DRC9: variants seen among roughly 807,000 people sequenced by gnomAD.
The protein encoded by DRC9 is dynein regulatory complex subunit 9, also known as dynein regulatory complex protein 9.
the DRC9 span, chr3:197,953,662 T>A: frequency 2.3e-6 from 1 of 438,578 alleles, no homozygotes; most frequent in African/African-American, 2.0e-5. Context: ...AAATGGCAGG[T>A]AATTCCTCCT....
At chr3:197,921,091 G>A in the DRC9 span, among the ~76,000 whole-genome samples, 23 of 142,570 alleles carry the variant, frequency 1.6e-4, no homozygotes, top group East Asian at 3.9e-3. Flanking sequence ...CAGTAACTCC[G>A]GGGATTTCAC....
At chr3:197,927,440 G>T in the DRC9 span, among the ~76,000 whole-genome samples, 7 of 152,122 alleles carry the variant, frequency 4.6e-5, 1 homozygote, top group Non-Finnish European at 7.4e-5. Flanking sequence ...TGGCCAGGCT[G>T]GTCTCGAATT....
chr3:197,947,928 CTTT>C, the DRC9 span, among the ~76,000 whole-genome samples: 11 of 96,788 alleles, frequency 1.1e-4, no homozygotes, highest in South Asian at 3.7e-4. Context: ...CCTGCTTTAC[CTTT>C]TTTTTTTTTT....
At chr3:197,944,650 G>C in the DRC9 span, among the ~76,000 whole-genome samples, 1 of 151,984 alleles carries the variant, frequency 6.6e-6, no homozygotes, top group South Asian at 2.1e-4. Flanking sequence ...TGGTTTCACC[G>C]TGTTAGCCAG....
the DRC9 span, among the ~76,000 whole-genome samples, chr3:197,908,956 C>G: frequency 2.0e-5 from 3 of 152,220 alleles, no homozygotes; most frequent in African/African-American, 7.2e-5. Context: ...TCCAAGGCAT[C>G]CTCCCAGATG....
At chr3:197,945,621 C>T in the DRC9 span, 2 of 1,582,544 alleles carry the variant, frequency 1.3e-6, no homozygotes, top group East Asian at 4.5e-5. Flanking sequence ...TAAACATACT[C>T]TTCCATTCTT....
At chr3:197,932,048 T>C in the DRC9 span, 2 of 1,017,054 alleles carry the variant, frequency 2.0e-6, no homozygotes, top group Admixed American at 2.4e-5. Context: ...AAACCCAAAT[T>C]CTGACTTCTA....
the DRC9 span, among the ~76,000 whole-genome samples, chr3:197,902,216 C>T: frequency 2.6e-5 from 4 of 152,292 alleles, no homozygotes; most frequent in African/African-American, 7.2e-5. Context: ...CAAGTCCCTT[C>T]GTATGCCTAG....
chr3:197,896,176 C>G, the DRC9 span, among the ~76,000 whole-genome samples: 1 of 151,836 alleles, frequency 6.6e-6, no homozygotes, highest in Non-Finnish European at 1.5e-5. Context: ...AACCCCGTCT[C>G]TACTAAAATA....
At chr3:197,950,232 G>C in the DRC9 span, 1 of 1,231,000 alleles carries the variant, frequency 8.1e-7, no homozygotes, top group Admixed American at 4.2e-5. Context: ...GTGAGTGAAG[G>C]GTCTGCTGCT....
the DRC9 span, chr3:197,951,141 G>T: frequency 2.5e-6 from 4 of 1,614,050 alleles, no homozygotes; most frequent in Admixed American, 6.7e-5. Context: ...TTCATGTTGT[G>T]TATCTTTTGT....
the DRC9 span, among the ~76,000 whole-genome samples, chr3:197,904,121 TA>T: frequency 7.1e-6 from 1 of 140,442 alleles, no homozygotes; most frequent in African/African-American, 2.6e-5. Flanking sequence ...TTTTTTTTTT[TA>T]AAGGGCCAAA....
At chr3:197,938,304 C>T in the DRC9 span, among the ~76,000 whole-genome samples, 3 of 137,460 alleles carry the variant, frequency 2.2e-5, no homozygotes, top group South Asian at 2.2e-4. Context: ...GTGACAAGAG[C>T]GAAACTCCAT....
chr3:197,932,819 T>C, the DRC9 span, among the ~76,000 whole-genome samples: 2 of 137,850 alleles, frequency 1.5e-5, no homozygotes, highest in Non-Finnish European at 3.1e-5. Context: ...ATGTATTATA[T>C]ATATATGTAT....
the DRC9 span, chr3:197,943,677 G>GAGAA: frequency 9.5e-7 from 1 of 1,047,686 alleles, no homozygotes; most frequent in Non-Finnish European, 1.4e-6. Context: ...AAGAGAGAGA[G>GAGAA]AGAAAGAAAG....
At chr3:197,909,075 G>T in the DRC9 span, among the ~76,000 whole-genome samples, 1,169 of 152,324 alleles carry the variant, frequency 7.7e-3, 9 homozygotes, top group Non-Finnish European at 0.012. Flanking sequence ...AGTTTCATCC[G>T]AATCTGAGCA....
At chr3:197,934,698 G>C in the DRC9 span, among the ~76,000 whole-genome samples, 1 of 151,706 alleles carries the variant, frequency 6.6e-6, no homozygotes, top group Non-Finnish European at 1.5e-5. Flanking sequence ...CCGGGCACAA[G>C]AGCTCACACC....
At chr3:197,892,822 T>C in the DRC9 span, 5 of 1,586,648 alleles carry the variant, frequency 3.2e-6, no homozygotes, top group African/African-American at 6.7e-5. Flanking sequence ...TACTGTATGA[T>C]TCCACTTATA....
At chr3:197,890,582 T>C in the DRC9 span, among the ~76,000 whole-genome samples, 1 of 152,234 alleles carries the variant, frequency 6.6e-6, no homozygotes. Flanking sequence ...ATACGGTCTC[T>C]ACTGCTTTAA....
Sources: gnomAD v4.1 joint callset for allele counts (sites outside exome capture counted in the v4.1 genomes callset) on GRCh38, gnomAD v4.1.1 for gene constraint, MANE v1.5 for transcripts, NCBI Gene and HGNC (gene_info 2026-07-23, HGNC 2026-07-21) for gene names.